LARGE1: variants seen among roughly 807,000 people sequenced by gnomAD.
LARGE1 encodes xylosyl- and glucuronyltransferase LARGE1.
LARGE1 carries 43 observed loss-of-function variants against 87.6 expected under a neutral mutation model. That is an observed-to-expected ratio of 0.49 (90% CI 0.38 to 0.63). LARGE1 has a LOEUF of 0.63. LARGE1 is among the 30% of genes least tolerant of loss of function. The pLI is 0.00. For synonymous variants in LARGE1, 434 were observed against 394.6 expected, an observed-to-expected ratio of 1.10 and a Z score of -1.18; for missense variants, 802 against 1,000.2, an observed-to-expected ratio of 0.80 and a Z score of 2.67.
At chr22:33,204,628 T>C (rs1443648417) in intron 11 of LARGE1, among the ~76,000 whole-genome samples, 1 of 152,200 alleles carries the variant, frequency 6.6e-6, no homozygotes, top group African/African-American at 2.4e-5. Flanking sequence ...AGCAGAAATG[T>C]GCTATTTCCT....
intron 11 of LARGE1, among the ~76,000 whole-genome samples, chr22:33,266,746 T>C (rs1927966062): frequency 6.6e-6 from 1 of 151,538 alleles, no homozygotes; most frequent in African/African-American, 2.4e-5. Context: ...TTTGGGAACA[T>C]CATATGAGGC....
At chr22:33,820,712 C>T (rs1000772399) in intron 1 of LARGE1, among the ~76,000 whole-genome samples, 2 of 152,010 alleles carry the variant, frequency 1.3e-5, no homozygotes, top group African/African-American at 4.8e-5. Flanking sequence ...ATTGCCAGGC[C>T]CTATACTTCC....
intron 1 of LARGE1, among the ~76,000 whole-genome samples, chr22:33,833,985 G>A (rs1214301778): frequency 1.3e-5 from 2 of 152,118 alleles, no homozygotes; most frequent in Non-Finnish European, 2.9e-5. Flanking sequence ...ACCATGCCCA[G>A]CTCAATTATT....
intron 1 of LARGE1, among the ~76,000 whole-genome samples, chr22:33,907,409 C>T (rs543423835): frequency 3.4e-4 from 52 of 152,166 alleles, no homozygotes; most frequent in Non-Finnish European, 6.5e-4. Flanking sequence ...TCCCCATCAC[C>T]GTCTGATAAT....
chr22:33,353,843 T>C (rs761258077), intron 9 of LARGE1, among the ~76,000 whole-genome samples: 4 of 152,216 alleles, frequency 2.6e-5, no homozygotes, highest in Non-Finnish European at 4.4e-5. Context: ...TGCAATGAAT[T>C]CCTTGACTCC....
intron 2 of LARGE1, among the ~76,000 whole-genome samples, chr22:33,674,087 G>A (rs1043050815): frequency 1.4e-4 from 21 of 152,130 alleles, no homozygotes; most frequent in African/African-American, 4.8e-4. Context: ...GGGATTACAG[G>A]TGTGAGCCAC....
chr22:33,101,589 G>T, the LARGE1 span, among the ~76,000 whole-genome samples: 1 of 152,156 alleles, frequency 6.6e-6, no homozygotes, highest in Admixed American at 6.5e-5. Flanking sequence ...TGGCATTGGC[G>T]TGGGTCTTTG....
At chr22:33,557,822 C>T (rs935202713) in intron 6 of LARGE1, among the ~76,000 whole-genome samples, 10 of 152,204 alleles carry the variant, frequency 6.6e-5, no homozygotes, top group Non-Finnish European at 1.5e-4. Flanking sequence ...CCGCCTTAGC[C>T]TCCTGAAGTG....
At chr22:33,346,698 C>T (rs1422323894) in intron 9 of LARGE1, among the ~76,000 whole-genome samples, 3 of 152,130 alleles carry the variant, frequency 2.0e-5, no homozygotes, top group African/African-American at 4.8e-5. Flanking sequence ...CACATTGACA[C>T]CTCCTTGTGT....
intron 6 of LARGE1, among the ~76,000 whole-genome samples, chr22:33,498,121 G>A (rs2070238317): frequency 1.3e-5 from 2 of 152,146 alleles, no homozygotes; most frequent in South Asian, 4.1e-4. Flanking sequence ...CTGGCCTCAA[G>A]TGATCCATCC....
At chr22:33,331,769 C>T (rs1040959062) in intron 10 of LARGE1, among the ~76,000 whole-genome samples, 1 of 152,102 alleles carries the variant, frequency 6.6e-6, no homozygotes, top group African/African-American at 2.4e-5. Context: ...CCAGCAGGTC[C>T]TCGAGTGATC....
chr22:33,315,289 A>G (rs1225326159), intron 11 of LARGE1, among the ~76,000 whole-genome samples: 5 of 152,030 alleles, frequency 3.3e-5, no homozygotes, highest in Non-Finnish European at 7.4e-5. Context: ...GTGTTATACA[A>G]CTCCCGAGGT....
At chr22:33,690,943 T>G (rs970134507) in intron 2 of LARGE1, among the ~76,000 whole-genome samples, 4 of 152,066 alleles carry the variant, frequency 2.6e-5, no homozygotes, top group African/African-American at 9.7e-5. Context: ...GAGCAGGCGC[T>G]CATGTGGACC....
At chr22:33,201,695 G>A (rs1044554392) in intron 11 of LARGE1, among the ~76,000 whole-genome samples, 4 of 152,192 alleles carry the variant, frequency 2.6e-5, no homozygotes, top group African/African-American at 7.2e-5. Flanking sequence ...AAAGAGAGTG[G>A]AGGGGGCTGA....
At chr22:33,066,855 T>C in the LARGE1 span, among the ~76,000 whole-genome samples, 1 of 152,142 alleles carries the variant, frequency 6.6e-6, no homozygotes, top group South Asian at 2.1e-4. Flanking sequence ...GTTAGAGAAC[T>C]TGCCATCGGC....
chr22:33,523,741 T>G (rs1395529228), intron 6 of LARGE1, among the ~76,000 whole-genome samples: 2 of 152,190 alleles, frequency 1.3e-5, no homozygotes, highest in Non-Finnish European at 2.9e-5. Context: ...AAAAATAACT[T>G]TATTTTGAAA....
chr22:33,796,394 C>T (rs892874094), intron 1 of LARGE1, among the ~76,000 whole-genome samples: 2 of 152,110 alleles, frequency 1.3e-5, no homozygotes, highest in African/African-American at 4.8e-5. Flanking sequence ...CACTGACCAG[C>T]GTCGCCGACT....
At chr22:33,881,554 T>C (rs2064683997) in intron 1 of LARGE1, among the ~76,000 whole-genome samples, 1 of 152,254 alleles carries the variant, frequency 6.6e-6, no homozygotes, top group African/African-American at 2.4e-5. Flanking sequence ...TACAAAAATA[T>C]GTTTCCATGG....
At chr22:33,092,427 T>C in the LARGE1 span, among the ~76,000 whole-genome samples, 1 of 152,058 alleles carries the variant, frequency 6.6e-6, no homozygotes, top group African/African-American at 2.4e-5. Context: ...ACAAATAAAG[T>C]GTGGACTTCT....
Sources: gnomAD v4.1 joint callset for allele counts (sites outside exome capture counted in the v4.1 genomes callset) on GRCh38, gnomAD v4.1.1 for gene constraint, MANE v1.5 for transcripts, NCBI Gene and HGNC (gene_info 2026-07-23, HGNC 2026-07-21) for gene names.